CEP83: variants seen among roughly 807,000 people sequenced by gnomAD.
CEP83 encodes centrosomal protein of 83 kDa.
A neutral mutation model predicts 101.9 loss-of-function variants in CEP83; 70 were observed. That is an observed-to-expected ratio of 0.69 (90% confidence interval 0.57 to 0.84). The LOEUF (loss-of-function observed/expected upper bound fraction) is 0.84. CEP83 is among the 40% of genes least tolerant of loss of function. CEP83 has a pLI of 0.00. For synonymous variants in CEP83, 264 were observed against 267.9 expected, an observed-to-expected ratio of 0.99 and a Z score of 0.14; for missense variants, 715 against 787.2, an observed-to-expected ratio of 0.91 and a Z score of 1.10.
At chr12:94,283,795 G>A in the CEP83 span, among the ~76,000 whole-genome samples, 1 of 152,146 alleles carries the variant, frequency 6.6e-6, no homozygotes, top group African/African-American at 2.4e-5. Context: ...ATCAAGAGCA[G>A]GGTCTGGGCC....
chr12:94,290,974 C>T, the CEP83 span, among the ~76,000 whole-genome samples: 87 of 152,222 alleles, frequency 5.7e-4, no homozygotes, highest in African/African-American at 1.9e-3. Context: ...TGAGCCCCTC[C>T]TCCCACAGAG....
intron 13 of CEP83, among the ~76,000 whole-genome samples, chr12:94,332,614 A>C (rs2059271598): frequency 6.6e-6 from 1 of 152,164 alleles, no homozygotes; most frequent in African/African-American, 2.4e-5. Context: ...TTTCAATCAA[A>C]CACTTGAGAA....
rs749268192 is a variant in CEP83 at position 94,310,126 on chromosome 12, TG to T, written c.1812-20del. The stretch of plus-strand genomic sequence containing the variant: ...ATTTTGTCTTAAAAAGAAAAAGAAA[TG>T]TTTCTTTAACATGGTTATACCCTAT... On this transcript the variant is annotated intron_variant, in intron 15 of 16. Transcript: ENST00000397809. 9.3e-6 allele frequency: 13 copies of T among 1,397,468 alleles called. No homozygotes were observed. In the South Asian group the frequency reaches 1.5e-4, roughly 16 times the overall value. The allele number at this position is 1,397,468 out of a possible 1,614,324, so 86.6% of individuals were successfully genotyped here. A position where few individuals can be genotyped will look rare whatever the true frequency, so the allele number is the denominator to read the frequency against.
intron 4 of CEP83, among the ~76,000 whole-genome samples, chr12:94,409,878 T>C (rs1225650684): frequency 6.6e-6 from 1 of 152,164 alleles, no homozygotes; most frequent in Non-Finnish European, 1.5e-5. Flanking sequence ...ACCAGTAATA[T>C]TGAGTTAAAG....
chr12:94,412,195 A>C (rs1566127432), intron 3 of CEP83, 123 bp downstream of exon 3: 4 of 718,986 alleles, frequency 5.6e-6, no homozygotes, highest in Non-Finnish European at 8.5e-6. Flanking sequence ...TATATTAAAA[A>C]AGTTTTAAAT....
downstream of CEP83, chr12:94,303,789 G>A (rs1968726936): frequency 6.3e-7 from 1 of 1,596,564 alleles, no homozygotes; most frequent in Non-Finnish European, 8.5e-7. Context: ...CTATGCCAAG[G>A]ATATCCCAAC....
chr12:94,352,708 T>G (rs914132785), intron 11 of CEP83, among the ~76,000 whole-genome samples: 1 of 151,850 alleles, frequency 6.6e-6, no homozygotes, highest in Non-Finnish European at 1.5e-5. Context: ...AAATTAAAAA[T>G]ACAATCAAGA....
chr12:94,388,225 C>T (rs1204740532), intron 6 of CEP83, among the ~76,000 whole-genome samples: 1 of 152,202 alleles, frequency 6.6e-6, no homozygotes, highest in Non-Finnish European at 1.5e-5. Flanking sequence ...GGTACATATA[C>T]ACCACGGAAT....
intron 2 of CEP83, among the ~76,000 whole-genome samples, chr12:94,423,457 CTTTTT>C (rs763433431): frequency 1.0e-4 from 12 of 120,562 alleles, no homozygotes; most frequent in African/African-American, 3.4e-4. Context: ...TCTGGTTCAA[CTTTTT>C]TTTTTTTTTT....
intron 6 of CEP83, among the ~76,000 whole-genome samples, chr12:94,393,386 C>T (rs1195880279): frequency 6.6e-6 from 1 of 152,322 alleles, no homozygotes; most frequent in East Asian, 1.9e-4. Flanking sequence ...ACATGATTAT[C>T]TCAATAGATG....
At chr12:94,361,345 TAA>T (rs1315168723) in intron 11 of CEP83, 2 of 152,086 alleles carry the variant, frequency 1.3e-5, no homozygotes, top group African/African-American at 4.8e-5. Flanking sequence ...GCATTCACAT[TAA>T]GTTTCGCATC....
downstream of CEP83, chr12:94,307,091 C>A (rs191581270): frequency 6.6e-6 from 1 of 152,318 alleles, no homozygotes; most frequent in East Asian, 1.9e-4. Context: ...TCAGCTACAG[C>A]TTTATCTAAG....
At chr12:94,449,023 G>GAAAAAA (rs34981223) in intron 1 of CEP83, among the ~76,000 whole-genome samples, 1 of 120,020 alleles carries the variant, frequency 8.3e-6, no homozygotes, top group African/African-American at 3.1e-5. Flanking sequence ...CAACAAAATC[G>GAAAAAA]AAAAAAAAAA....
the CEP83 span, chr12:94,277,949 T>C: frequency 4.4e-6 from 2 of 455,928 alleles, no homozygotes; most frequent in South Asian, 3.1e-5. Context: ...TGTGTTTTCA[T>C]CTCTCCCCTG....
At chr12:94,293,292 A>G in the CEP83 span, among the ~76,000 whole-genome samples, 33 of 152,206 alleles carry the variant, frequency 2.2e-4, no homozygotes, top group Non-Finnish European at 4.1e-4. Context: ...ATCAGGATTT[A>G]TACTTATTTC....
At chr12:94,412,291 C>T (rs776150574) in intron 3 of CEP83, 27 bp downstream of exon 3, 3 of 1,559,586 alleles carry the variant, frequency 1.9e-6, no homozygotes, top group Non-Finnish European at 2.6e-6. Flanking sequence ...TAAAACCAAA[C>T]CCCACTTCTA....
chr12:94,330,863 A>G (rs950754159), intron 14 of CEP83, among the ~76,000 whole-genome samples: 1 of 152,208 alleles, frequency 6.6e-6, no homozygotes, highest in Non-Finnish European at 1.5e-5. Flanking sequence ...TACAAAATTT[A>G]GAAACAAACC....
chr12:94,274,782 T>G, the CEP83 span, among the ~76,000 whole-genome samples: 1 of 152,208 alleles, frequency 6.6e-6, no homozygotes. Context: ...TCTACCATCT[T>G]CTTGCTGGCT....
At chr12:94,269,023 G>A in the CEP83 span, among the ~76,000 whole-genome samples, 3 of 152,290 alleles carry the variant, frequency 2.0e-5, no homozygotes, top group East Asian at 5.8e-4. Context: ...CTTTGGAGGA[G>A]TTAGTGAAAG....
Sources: gnomAD v4.1 joint callset for allele counts (sites outside exome capture counted in the v4.1 genomes callset) on GRCh38, gnomAD v4.1.1 for gene constraint, MANE v1.5 for transcripts, NCBI Gene and HGNC (gene_info 2026-07-23, HGNC 2026-07-21) for gene names.